Variants in ZBTB8A observed in about 807,000 individuals in gnomAD.
ZBTB8A encodes zinc finger and BTB domain-containing protein 8A.
ZBTB8A carries 19 observed loss-of-function variants against 37.8 expected under a neutral mutation model. That is an observed-to-expected ratio of 0.50 (90% CI 0.35 to 0.74). The LOEUF is 0.74. Among genes scored for constraint, ZBTB8A ranks in the 30% least tolerant of loss-of-function variants. ZBTB8A has a pLI of 0.01. For missense variants in ZBTB8A, 394 were observed against 537.8 expected (o/e 0.73, Z 2.65); for synonymous variants, 181 against 185.2 (o/e 0.98, Z 0.19).
intron 2 of ZBTB8A, among the ~76,000 whole-genome samples, chr1:32,573,531 C>T (rs959512330): frequency 8.6e-5 from 13 of 150,694 alleles, no homozygotes; most frequent in Non-Finnish European, 1.9e-4. Context: ...TTCCTGGGCT[C>T]GGGTGATTCT....
Position 32,595,160 on chromosome 1 carries a change from T to A in ZBTB8A, c.930T>A (p.Tyr310Ter). 3 of 1,614,238 alleles carry A rather than the reference T, an allele frequency of 1.9e-6. No homozygotes were observed. Among genetic ancestry groups the A allele is most frequent in the Non-Finnish European group, 2.5e-6 (3 of 1,180,036 alleles). Residue 310 changes from tyrosine to a stop codon, truncating the protein, a stop_gained, in exon 4 of 5, where the codon TAT (tyrosine) becomes TAA (stop). Coordinates refer to ENST00000373510, the MANE Select transcript of ZBTB8A (RefSeq NM_001040441.3). LOFTEE classifies it high-confidence loss of function. ...GTTGTCATACAGGAGAAAGGCCCTATCCATGTCAAGCTTGTGGAAAAAGAT... is the reference window on the plus strand; with the variant it reads ...GTTGTCATACAGGAGAAAGGCCCTAACCATGTCAAGCTTGTGGAAAAAGAT... ...HLRCHTGERP[Y>*]PCQACGKRFS...
chr1:32,563,583 C>T (rs1644259222), intron 2 of ZBTB8A, among the ~76,000 whole-genome samples: 1 of 152,136 alleles, frequency 6.6e-6, no homozygotes, highest in African/African-American at 2.4e-5. Context: ...TTGCCTTAAC[C>T]TCCCAAGTAG....
chr1:32,588,029 G>T (rs1467237407), intron 2 of ZBTB8A, among the ~76,000 whole-genome samples: 1 of 152,134 alleles, frequency 6.6e-6, no homozygotes, highest in Non-Finnish European at 1.5e-5. Flanking sequence ...CACTTGGGGA[G>T]GGCGTGGAAG....
intron 2 of ZBTB8A, among the ~76,000 whole-genome samples, chr1:32,574,954 T>C (rs377243465): frequency 1.4e-4 from 22 of 152,132 alleles, no homozygotes; most frequent in African/African-American, 5.3e-4. Context: ...ATTTTTATTT[T>C]GTAGAGATGG....
rs140709969 is a variant in ZBTB8A, at chr1:32,554,460, TTTTATTTATTTATTTA to T, written c.-2+960_-2+975del. Among the ~76,000 whole-genome samples, 743 of 134,944 alleles carry T rather than the reference TTTTATTTATTTATTTA, an allele frequency of 5.5e-3. 8 individuals are homozygous for T. Among genetic ancestry groups the T allele is most frequent in the East Asian group, 0.043 (197 of 4,584 alleles). The allele number at this position is 134,944 out of a possible 152,430, so 88.5% of individuals were successfully genotyped here. On this transcript the variant is annotated intron_variant, in intron 2 of 4. Transcript: ENST00000373510. ...TACATATTTGAACTACATTTTAATC[TTTTATTTATTTATTTA>T]TTTATTTATTTATTTATTTATTTAT...
intron 4 of ZBTB8A, among the ~76,000 whole-genome samples, chr1:32,595,822 G>T (rs888698693): frequency 6.6e-6 from 1 of 151,200 alleles, no homozygotes; most frequent in Admixed American, 6.6e-5. Flanking sequence ...GCTAATTTTT[G>T]TATTTTTATA....
Position 32,602,799 on chromosome 1 carries a change from C to G in ZBTB8A, c.*2380C>G, listed in dbSNP as rs542111866. The G allele has an allele frequency of 2.0e-5, 3 of 152,172 alleles. 1 individual carries two copies. The highest frequency in any genetic ancestry group is 4.4e-5 in the Non-Finnish European group (3 of 68,062). The allele number at this position is 152,172 out of a possible 1,614,324, so 9.4% of individuals were successfully genotyped here. A position where few individuals can be genotyped will look rare whatever the true frequency, so the allele number is the denominator to read the frequency against. On this transcript the variant is annotated 3_prime_UTR_variant, in exon 5 of 5. Coordinates refer to ENST00000373510, the MANE Select transcript of ZBTB8A (RefSeq NM_001040441.3). Reference sequence around the variant, plus strand: ...ATCTCCTGATCTCGTGATCCGCCCCCCTCGGCCTCCCAAAGTGCTGGGATT... The same window carrying G: ...ATCTCCTGATCTCGTGATCCGCCCCGCTCGGCCTCCCAAAGTGCTGGGATT...
chr1:32,568,857 T>G (rs1229313401), intron 2 of ZBTB8A, among the ~76,000 whole-genome samples: 1 of 152,218 alleles, frequency 6.6e-6, no homozygotes, highest in Non-Finnish European at 1.5e-5. Flanking sequence ...ATACTACAAT[T>G]TATTTATTCA....
In ZBTB8A at chr1:32,593,364, G is replaced by A. The variant is rs1644504536; in HGVS notation, c.433G>A (p.Val145Ile). 1.2e-6 allele frequency: 2 copies of A among 1,614,044 alleles called. No homozygotes were observed. The highest frequency in any genetic ancestry group is 1.7e-6 in the Non-Finnish European group (2 of 1,180,040). The change falls in exon 3 of 5, where the codon GTA becomes ATA. Residue 145 changes from valine (V) to isoleucine (I), a missense_variant. This residue lies in a region of ZBTB8A where 171 missense variants were observed against 186.8 expected (regional missense o/e 0.92). Coordinates refer to ENST00000373510, the MANE Select transcript of ZBTB8A (RefSeq NM_001040441.3). ...LSDKDANSNG[V>I]ERSSFYSGGW... Reference sequence around the variant, plus strand: ...AGATAAAGATGCCAATTCTAATGGTGTAGAACGTTCCTCTTTTTATAGTGG... The same window carrying A: ...AGATAAAGATGCCAATTCTAATGGTATAGAACGTTCCTCTTTTTATAGTGG...
intron 2 of ZBTB8A, among the ~76,000 whole-genome samples, chr1:32,569,593 C>G (rs1035309439): frequency 5.9e-5 from 9 of 151,626 alleles, no homozygotes; most frequent in African/African-American, 2.2e-4. Context: ...GTTGTTTCAC[C>G]GTGTTAGCCA....
chr1:32,581,455 G>T (rs1031281538), intron 2 of ZBTB8A, among the ~76,000 whole-genome samples: 8 of 149,650 alleles, frequency 5.3e-5, no homozygotes, highest in Admixed American at 4.8e-4. Flanking sequence ...AGGTTCAAGC[G>T]ATTCTTCTGC....
chr1:32,597,588 A>G (rs372493997), intron 4 of ZBTB8A, among the ~76,000 whole-genome samples: 3 of 152,350 alleles, frequency 2.0e-5, no homozygotes, highest in Admixed American at 6.5e-5. Flanking sequence ...AAGTGAAATT[A>G]GAGCCCAAAG....
chr1:32,588,047 C>T (rs1175874651), intron 2 of ZBTB8A, among the ~76,000 whole-genome samples: 1 of 152,106 alleles, frequency 6.6e-6, no homozygotes, highest in Non-Finnish European at 1.5e-5. Context: ...AAGCTCCAAG[C>T]GCTTCCCACG....
At chr1:32,570,807 T>C (rs1263101527) in intron 2 of ZBTB8A, among the ~76,000 whole-genome samples, 1 of 152,212 alleles carries the variant, frequency 6.6e-6, no homozygotes. Flanking sequence ...TAGGATTTTC[T>C]GTATACATAA....
intron 2 of ZBTB8A, among the ~76,000 whole-genome samples, chr1:32,573,653 C>G (rs1174549071): frequency 6.8e-6 from 1 of 147,344 alleles, no homozygotes; most frequent in Non-Finnish European, 1.5e-5. Flanking sequence ...AGGCTGGTCT[C>G]GAACTCCTGG....
chr1:32,573,164 A>G (rs1363297879), intron 2 of ZBTB8A, among the ~76,000 whole-genome samples: 1 of 138,624 alleles, frequency 7.2e-6, no homozygotes, highest in Non-Finnish European at 1.5e-5. Context: ...TCCCCCTCCC[A>G]GGTTCAAGTG....
At chr1:32,570,445 A>AAAATCC (rs1644315524) in intron 2 of ZBTB8A, among the ~76,000 whole-genome samples, 2 of 152,224 alleles carry the variant, frequency 1.3e-5, no homozygotes, top group African/African-American at 4.8e-5. Context: ...TACTTTCTAC[A>AAAATCC]GAGATAAATT....
At position 32,600,994 on chromosome 1, in the gene ZBTB8A, T is replaced by C. The variant is rs1391542812; in HGVS notation, c.*575T>C. On this transcript the variant is annotated 3_prime_UTR_variant, in exon 5 of 5. Coordinates refer to ENST00000373510, the MANE Select transcript of ZBTB8A (RefSeq NM_001040441.3). Reference sequence around the variant, plus strand: ...GGATTATGGAAGAAGACTAAAGTGTTTGAAATCATTCATATTTGAAATTTT... The same window carrying C: ...GGATTATGGAAGAAGACTAAAGTGTCTGAAATCATTCATATTTGAAATTTT... 2 of 152,192 alleles carry C rather than the reference T, an allele frequency of 1.3e-5. No individual in the cohort carries two copies. Among genetic ancestry groups the C allele is most frequent in the African/African-American group, 2.4e-5 (1 of 41,426 alleles). 9.4% of individuals were successfully genotyped at this position (152,192 alleles called of 1,614,324 possible).
intron 2 of ZBTB8A, among the ~76,000 whole-genome samples, chr1:32,559,221 C>T (rs986073942): frequency 4.6e-5 from 7 of 151,038 alleles, no homozygotes; most frequent in African/African-American, 1.2e-4. Context: ...AAGCCTTTTT[C>T]GTGCCTCAGC....
Sources: gnomAD v4.1 joint callset for allele counts (sites outside exome capture counted in the v4.1 genomes callset) on GRCh38, gnomAD v4.1.1 for gene constraint, gnomAD v4.1.1 regional missense constraint, MANE v1.5 for transcripts, NCBI Gene and HGNC (gene_info 2026-07-23, HGNC 2026-07-21) for gene names.